Variants in BPTF observed in about 807,000 individuals in gnomAD.
BPTF encodes bromodomain PHD finger transcription factor.
Under a neutral mutation model 292.5 loss-of-function variants are expected in BPTF, and 18 were observed. That is an observed-to-expected ratio of 0.06 (90% CI 0.04 to 0.09). The LOEUF is 0.09. BPTF is among the 10% of genes least tolerant of loss of function. The pLI is 1.00. For synonymous variants in BPTF, 1,225 were observed against 1,251.9 expected (o/e 0.98, Z 0.45); for missense variants, 2,726 against 3,498.7 (o/e 0.78, Z 5.57).
At position 67,857,316 on chromosome 17, in the gene BPTF, G is replaced by A. The variant is rs1231330017; in HGVS notation, c.1436+2554G>A. 5.3e-5 allele frequency among the ~76,000 whole-genome samples: 8 copies of A among 151,250 alleles called. No homozygotes were observed. The East Asian group carries it at 9.7e-4, about 18-fold the overall frequency. On this transcript the variant is annotated intron_variant, in intron 2 of 27. Coordinates refer to ENST00000306378, the MANE Select transcript of BPTF (RefSeq NM_182641.4). The stretch of plus-strand genomic sequence containing the variant: ...GCTGGGACTACAGGTGCCCGCCACC[G>A]TGCCCGGTTAATTTTTTGTATTTTT...
intron 23 of BPTF, among the ~76,000 whole-genome samples, chr17:67,957,866 A>G (rs1361121634): frequency 1.3e-5 from 2 of 152,214 alleles, no homozygotes; most frequent in African/African-American, 4.8e-5. Context: ...CACATAAGAA[A>G]TACTCTTGGT....
intron 1 of BPTF, among the ~76,000 whole-genome samples, chr17:67,845,400 T>A (rs1025794926): frequency 2.0e-4 from 30 of 152,220 alleles, no homozygotes; most frequent in African/African-American, 7.2e-4. Flanking sequence ...TATCTGGCAT[T>A]TGAAGACATC....
chr17:67,883,192 T>C (rs1370522237), intron 4 of BPTF, among the ~76,000 whole-genome samples: 1 of 151,896 alleles, frequency 6.6e-6, no homozygotes, highest in Non-Finnish European at 1.5e-5. Flanking sequence ...GATGGGCGCC[T>C]GTAGTCTCAG....
At chr17:67,831,726 A>C (rs1224425262) in intron 1 of BPTF, among the ~76,000 whole-genome samples, 1 of 152,100 alleles carries the variant, frequency 6.6e-6, no homozygotes, top group Non-Finnish European at 1.5e-5. Flanking sequence ...AGCAAATCCT[A>C]GCTGATGCCC....
intron 1 of BPTF, among the ~76,000 whole-genome samples, chr17:67,843,580 G>A (rs1304966259): frequency 6.7e-6 from 1 of 148,424 alleles, no homozygotes; most frequent in Non-Finnish European, 1.5e-5. Context: ...TATATATACA[G>A]AAGATATATA....
chr17:67,872,149 T>C (rs924221948), intron 3 of BPTF, among the ~76,000 whole-genome samples: 4 of 152,204 alleles, frequency 2.6e-5, no homozygotes, highest in Non-Finnish European at 5.9e-5. Context: ...GTTTTTCTTA[T>C]GGCTATGATT....
intron 4 of BPTF, chr17:67,886,050 A>G: frequency 2.7e-6 from 3 of 1,114,628 alleles, no homozygotes; most frequent in South Asian, 1.7e-5. Flanking sequence ...ATGAAATCCT[A>G]AAACAATTGT....
rs776209888 is a variant in BPTF, at chr17:67,826,126, G to T, written c.402G>T (p.Glu134Asp). 1 of 1,419,786 alleles carries T rather than the reference G, an allele frequency of 7.0e-7. No individual in the cohort carries two copies. The highest frequency in any genetic ancestry group is 9.9e-7 in the Non-Finnish European group (1 of 1,009,560). 87.9% of individuals were successfully genotyped at this position (1,419,786 alleles called of 1,614,324 possible). ...ACGATGACCACGAGAGCGAGGAGGAGGAGGAAGAGGAGGACATGGTCTCCG... is the reference window on the plus strand; with the variant it reads ...ACGATGACCACGAGAGCGAGGAGGATGAGGAAGAGGAGGACATGGTCTCCG... ...VVYDDHESEE[E>D]EEEEDMVSEE... The change falls in exon 1 of 28, where the codon GAG (glutamate) becomes GAT (aspartate). Residue 134 changes from glutamate to aspartate, a missense_variant. Physicochemically the swap from Glu to Asp is conservative, Grantham distance 45. Coordinates refer to ENST00000306378, the MANE Select transcript of BPTF (RefSeq NM_182641.4).
chr17:67,882,978 G>C (rs929463103), intron 4 of BPTF, among the ~76,000 whole-genome samples: 2 of 145,474 alleles, frequency 1.4e-5, no homozygotes, highest in African/African-American at 5.2e-5. Flanking sequence ...ACTCCAGCCT[G>C]GGTGATAGAG....
chr17:67,944,053 A>T (rs1002070062), intron 19 of BPTF, 97 bp from the exon 20 acceptor site: 2 of 904,694 alleles, frequency 2.2e-6, no homozygotes, highest in East Asian at 5.1e-5. Flanking sequence ...TTTTCATTAT[A>T]TTAAAAGATA....
At chr17:67,897,821 T>G (rs942672955) in intron 7 of BPTF, among the ~76,000 whole-genome samples, 6 of 152,224 alleles carry the variant, frequency 3.9e-5, no homozygotes, top group Non-Finnish European at 8.8e-5. Context: ...TTATAATTAT[T>G]GTTTCTGTTA....
Position 67,912,292 on chromosome 17 carries a change from G to A in BPTF, c.4408G>A (p.Val1470Ile), listed in dbSNP as rs893482731. Residue 1470 changes from valine to isoleucine, a missense_variant, in exon 11 of 28, where the codon GTC becomes ATC. This residue lies in a region of BPTF where 713 missense variants were observed against 714.9 expected (regional missense o/e 1.00). Transcript: ENST00000306378. ...TATAAGGCCATTCATTAATGGTGAT[G>A]TCATCATGGAAGATTTTAATGAAAG... ...SAIRPFINGD[V>I]IMEDFNERNS... 10 of 1,613,692 alleles carry A rather than the reference G, an allele frequency of 6.2e-6. No individual in the cohort carries two copies. The highest frequency in any genetic ancestry group is 2.2e-5 in the East Asian group (1 of 44,894).
At chr17:67,888,462 T>C in intron 4 of BPTF, among the ~76,000 whole-genome samples, 1 of 151,834 alleles carries the variant, frequency 6.6e-6, no homozygotes, top group Non-Finnish European at 1.5e-5. Context: ...TGGTGGTGTG[T>C]GCCTGTAATC....
Position 67,866,611 on chromosome 17 carries a change from C to T in BPTF, c.1584C>T (p.His528=). 1 of 1,613,922 alleles carries T rather than the reference C, an allele frequency of 6.2e-7. No individual in the cohort carries two copies. Among genetic ancestry groups the T allele is most frequent in the African/African-American group, 1.3e-5 (1 of 75,020 alleles). ...TAGAAGAAATGCGTGAAGAAATCCA[C>T]CGACACATGGACATAACTGAAGACC... The part of the protein sequence containing the change: ...KILEEMREEI[H]RHMDITEDLT... Residue 528 remains histidine (H), a synonymous_variant, in exon 3 of 28, where the codon CAC becomes CAT. Coordinates refer to ENST00000306378, the MANE Select transcript of BPTF (RefSeq NM_182641.4).
chr17:67,869,897 C>T (rs1598346687), intron 3 of BPTF, among the ~76,000 whole-genome samples: 1 of 146,544 alleles, frequency 6.8e-6, no homozygotes, highest in Non-Finnish European at 1.5e-5. Flanking sequence ...AGCTACTCGG[C>T]AGCCTGAGGC....
chr17:67,927,567 T>C (rs2064020546), intron 15 of BPTF, among the ~76,000 whole-genome samples: 1 of 152,184 alleles, frequency 6.6e-6, no homozygotes, highest in South Asian at 2.1e-4. Flanking sequence ...TGACATGTTT[T>C]TATAGTTGGA....
intron 23 of BPTF, chr17:67,951,253 G>C (rs1234194387): frequency 6.6e-6 from 1 of 152,044 alleles, no homozygotes; most frequent in African/African-American, 2.4e-5. Flanking sequence ...CTGAGAATCA[G>C]CCCCAATCCT....
intron 3 of BPTF, among the ~76,000 whole-genome samples, chr17:67,869,355 A>G (rs1361867247): frequency 1.3e-5 from 2 of 152,230 alleles, no homozygotes; most frequent in African/African-American, 2.4e-5. Context: ...AACAAAGTCA[A>G]AACAGGAATG....
chr17:67,948,955 TG>T (rs1555676974), intron 23 of BPTF, among the ~76,000 whole-genome samples: 1 of 152,046 alleles, frequency 6.6e-6, no homozygotes, highest in Non-Finnish European at 1.5e-5. Flanking sequence ...CACTGCAGCC[TG>T]GGCAACAGAG....
Sources: allele counts gnomAD v4.1 joint callset (sites outside exome capture counted in the v4.1 genomes callset), GRCh38; gene constraint gnomAD v4.1.1; regional missense constraint gnomAD v4.1.1; transcripts MANE v1.5; gene names NCBI Gene and HGNC (gene_info 2026-07-23, HGNC 2026-07-21).